Variants in ZNF592 observed in about 807,000 individuals in gnomAD.
ZNF592 encodes the protein spinocerebellar ataxia, autosomal recessive 5.
Under a neutral mutation model 80.3 loss-of-function variants are expected in ZNF592, and 11 were observed. The observed-to-expected ratio is 0.14, with a 90% CI of 0.09 to 0.23. The LOEUF is 0.23. Ranked by LOEUF, ZNF592 falls within the 10% of genes least tolerant of loss-of-function variation. ZNF592 has a pLI of 1.00. For synonymous variants in ZNF592, 646 were observed against 640.3 expected (o/e 1.01, Z -0.13); for missense variants, 1,420 against 1,633.9 (o/e 0.87, Z 2.26).
At chr15:84,794,757 G>A (rs746676456) in intron 5 of ZNF592, among the ~76,000 whole-genome samples, 3 of 152,284 alleles carry the variant, frequency 2.0e-5, no homozygotes, top group South Asian at 2.1e-4. Context: ...GATTACAGAC[G>A]TGAGCCACTG....
In ZNF592 at chr15:84,798,553, C is replaced by T. The variant is rs1567077581; in HGVS notation, c.2737-35C>T. On this transcript the variant is annotated intron_variant, in intron 7 of 10. Coordinates refer to ENST00000560079, the MANE Select transcript of ZNF592 (RefSeq NM_014630.3). This position sits in a 1 kb window ranked among gnomAD's most constrained non-coding sequence, Gnocchi z 4.5. ...GGGTCTGACTCTGTGCATCTTTCCC[C>T]TTGCCCAGTCAGTAATCGCTCTCCC... 1 of 1,614,030 alleles carries T rather than the reference C, an allele frequency of 6.2e-7. No individual in the cohort carries two copies. Among genetic ancestry groups the T allele is most frequent in the East Asian group, 2.2e-5 (1 of 44,878 alleles).
intron 1 of ZNF592, among the ~76,000 whole-genome samples, chr15:84,754,760 T>C (rs1471848101): frequency 6.6e-6 from 1 of 150,452 alleles, no homozygotes; most frequent in African/African-American, 2.5e-5. Flanking sequence ...ATCAACACAC[T>C]CTGGGGGATG....
rs371336584 is a variant in ZNF592 at position 84,799,916 on chromosome 15, T to C, written c.3212T>C (p.Ile1071Thr). The C allele has an allele frequency of 3.1e-6, 5 of 1,614,068 alleles. No homozygotes were observed. The highest frequency in any genetic ancestry group is 1.3e-5 in the African/African-American group (1 of 74,918). Residue 1071 changes from isoleucine (I) to threonine (T), a missense_variant, in exon 10 of 11, where the codon ATC becomes ACC. Physicochemically the swap from Ile to Thr is moderately conservative, Grantham distance 89. Around this residue, in one of 7 missense-constraint regions of ZNF592, gnomAD observed 331 missense variants for 347.0 expected, o/e 0.95. Coordinates refer to ENST00000560079, the MANE Select transcript of ZNF592 (RefSeq NM_014630.3). The surrounding 1 kb of genome is among the most constrained non-coding windows in gnomAD (Gnocchi z 4.2). ...LESHISLMHG[I>T]RNPDLSQTSK... ...AGCCACATCAGCCTTATGCATGGCA[T>C]CAGAAACCCTGATTTGAGCCAGACG... is the stretch of plus-strand genomic sequence containing the variant.
chr15:84,762,987 T>C (rs1483915862), intron 1 of ZNF592, among the ~76,000 whole-genome samples: 1 of 152,214 alleles, frequency 6.6e-6, no homozygotes, highest in African/African-American at 2.4e-5. Context: ...AGTTGTGTCA[T>C]CATTATGGCA....
chr15:84,774,263 T>C (rs917690068), intron 2 of ZNF592, among the ~76,000 whole-genome samples: 3 of 152,256 alleles, frequency 2.0e-5, no homozygotes, highest in Admixed American at 6.5e-5. Context: ...CAAATACTTA[T>C]TGAGTACCTA....
rs978255178 is a variant in ZNF592 at position 84,803,600 on chromosome 15, T to C, written c.*1207T>C. 9.2e-5 allele frequency: 14 copies of C among 152,354 alleles called. No individual in the cohort carries two copies. The highest frequency in any genetic ancestry group is 3.4e-4 in the African/African-American group (14 of 41,582). 9.4% of individuals were successfully genotyped at this position (152,354 alleles called of 1,614,324 possible). A position where few individuals can be genotyped will look rare whatever the true frequency, so the allele number is the denominator to read the frequency against. The stretch of plus-strand genomic sequence containing the variant: ...GGCGTATCGAAATTTTCTAGGCACC[T>C]TCATCTTTCCTTCAGTTGATTTTCA... On this transcript the variant is annotated 3_prime_UTR_variant, in exon 11 of 11. Transcript: ENST00000560079.
chr15:84,785,626 T>C (rs1962567500), intron 4 of ZNF592, among the ~76,000 whole-genome samples: 1 of 152,162 alleles, frequency 6.6e-6, no homozygotes, highest in Non-Finnish European at 1.5e-5. Context: ...AACTGTGTCT[T>C]TAATAAGTTG....
At chr15:84,770,036 G>A (rs1323707808) in intron 2 of ZNF592, among the ~76,000 whole-genome samples, 1 of 152,230 alleles carries the variant, frequency 6.6e-6, no homozygotes, top group Non-Finnish European at 1.5e-5. Context: ...GCAGGCTTTT[G>A]TGGGAACACA....
At chr15:84,779,825 A>G (rs1204498689) in intron 3 of ZNF592, among the ~76,000 whole-genome samples, 1 of 152,088 alleles carries the variant, frequency 6.6e-6, no homozygotes, top group African/African-American at 2.4e-5. Context: ...CTCTGCTTCA[A>G]GCCTCTGCAA....
chr15:84,792,847 G>A (rs927543594), intron 5 of ZNF592, among the ~76,000 whole-genome samples: 1 of 152,150 alleles, frequency 6.6e-6, no homozygotes, highest in Non-Finnish European at 1.5e-5. Flanking sequence ...CCTAAGACAG[G>A]ATTATACAAA....
At chr15:84,774,605 G>A (rs1962187154) in intron 2 of ZNF592, among the ~76,000 whole-genome samples, 1 of 151,956 alleles carries the variant, frequency 6.6e-6, no homozygotes, top group African/African-American at 2.4e-5. Context: ...ATTACATGAA[G>A]ACATATATAC....
At chr15:84,774,947 G>C (rs750471683) in intron 2 of ZNF592, among the ~76,000 whole-genome samples, 6 of 151,664 alleles carry the variant, frequency 4.0e-5, no homozygotes, top group Non-Finnish European at 8.8e-5. Context: ...CGCCCAGCTA[G>C]TTTTTGTATT....
intron 1 of ZNF592, among the ~76,000 whole-genome samples, chr15:84,755,471 C>T (rs1258432833): frequency 2.0e-5 from 3 of 151,910 alleles, no homozygotes; most frequent in Non-Finnish European, 4.4e-5. Context: ...CGTTAAGGGT[C>T]TTCCTCCATA....
At chr15:84,765,192 C>CATGTGT (rs1899472131) in intron 2 of ZNF592, among the ~76,000 whole-genome samples, 1 of 152,156 alleles carries the variant, frequency 6.6e-6, no homozygotes, top group Non-Finnish European at 1.5e-5. Context: ...TAGCATGTGT[C>CATGTGT]AGAATTTCCT....
rs1963133715 is a variant in ZNF592 at position 84,802,584 on chromosome 15, C to T, written c.*191C>T. The stretch of plus-strand genomic sequence containing the variant: ...AGGAAATGTGGGGTCGGCCAGGACC[C>T]TCACAGCTCTGAATTTGCTTCTGTT... On this transcript the variant is annotated 3_prime_UTR_variant, in exon 11 of 11. Transcript: ENST00000560079. 3.1e-6 allele frequency: 2 copies of T among 651,252 alleles called. No individual in the cohort carries two copies. The highest frequency in any genetic ancestry group is 5.5e-5 in the East Asian group (2 of 36,456). The allele number at this position is 651,252 out of a possible 1,614,324, so 40.3% of individuals were successfully genotyped here. A position where few individuals can be genotyped will look rare whatever the true frequency, so the allele number is the denominator to read the frequency against.
At chr15:84,760,636 G>A (rs1315901821) in intron 1 of ZNF592, among the ~76,000 whole-genome samples, 2 of 152,220 alleles carry the variant, frequency 1.3e-5, no homozygotes, top group East Asian at 1.9e-4. Flanking sequence ...GCATGTCTGC[G>A]GTGTGTGTGT....
rs1047067314 is a variant in ZNF592 at position 84,775,493 on chromosome 15, C to T, written c.-149-2690C>T. ...TGTTGCCCAGGCTGGAGTGCAGTGA[C>T]GCGATCTCAGCTCACTGCAACCTCC... On this transcript the variant is annotated intron_variant, in intron 2 of 10. Transcript: ENST00000560079. Among the ~76,000 whole-genome samples the T allele has an allele frequency of 4.6e-5, 7 of 151,664 alleles. No homozygotes were observed. The East Asian group carries it at 5.8e-4, about 13-fold the overall frequency.
chr15:84,785,922 A>G (rs149154715), intron 4 of ZNF592, among the ~76,000 whole-genome samples: 22 of 151,510 alleles, frequency 1.5e-4, no homozygotes, highest in African/African-American at 5.1e-4. Context: ...TTCTGTGTCT[A>G]TGTTATGTGT....
chr15:84,774,907 A>G (rs1386551176), intron 2 of ZNF592, among the ~76,000 whole-genome samples: 2 of 151,926 alleles, frequency 1.3e-5, no homozygotes, highest in African/African-American at 2.4e-5. Flanking sequence ...CAGCCTCCCA[A>G]GTAGCTGAGA....
Sources: gnomAD v4.1 joint callset for allele counts (sites outside exome capture counted in the v4.1 genomes callset) on GRCh38, gnomAD v4.1.1 for gene constraint, gnomAD v4.1.1 regional missense constraint, Gnocchi (gnomAD v3.1) non-coding constraint, MANE v1.5 for transcripts, NCBI Gene and HGNC (gene_info 2026-07-23, HGNC 2026-07-21) for gene names.